LY6H: variants seen among roughly 807,000 people sequenced by gnomAD.
LY6H encodes lymphocyte antigen 6H.
Under a neutral mutation model 14.6 loss-of-function variants are expected in LY6H, and 8 were observed. That is an observed-to-expected ratio of 0.55 (90% CI 0.32 to 0.99). The LOEUF (loss-of-function observed/expected upper bound fraction) is 0.99, where lower values mean the gene tolerates loss of function less well. Among genes scored for constraint, LY6H ranks in the 50% least tolerant of loss-of-function variants. The pLI is 0.04. For missense variants in LY6H, 196 were observed against 219.6 expected, an observed-to-expected ratio of 0.89 and a Z score of 0.68; for synonymous variants, 115 against 97.2, an observed-to-expected ratio of 1.18 and a Z score of -1.08.
chr8:143,160,129 G>A, intron 1 of LY6H, 69 bp downstream of exon 1: 2 of 1,227,324 alleles, frequency 1.6e-6, no homozygotes, highest in South Asian at 3.9e-5. Context: ...TTGGCCTTCC[G>A]CGCGCGCCTC....
chr8:143,158,306 G>A lies in LY6H; in HGVS notation c.430C>T (p.Leu144=). The stretch of plus-strand genomic sequence containing the variant: ...AGGCTGAGCAGGAGCCCCCCGGCCA[G>A]GGCCCAGGGGCTGTGCCCTGCCCCT... ...AAGAGHSPWA[L]AGGLLLSLGP... is the part of the protein sequence containing the mutation. Residue 144 remains leucine, a synonymous_variant, in exon 4 of 4, where the codon CTG becomes TTG. Transcript: ENST00000342752. 1 of 1,613,472 alleles carries A rather than the reference G, an allele frequency of 6.2e-7. No individual in the cohort carries two copies. The highest frequency in any genetic ancestry group is 8.5e-7 in the Non-Finnish European group (1 of 1,179,820).
At chr8:143,160,050 G>A in intron 1 of LY6H, 148 bp downstream of exon 1, 1 of 963,176 alleles carries the variant, frequency 1.0e-6, no homozygotes, top group Non-Finnish European at 1.3e-6. Flanking sequence ...TGGGGGGAGG[G>A]GCGCGTGCCA....
At chr8:143,159,507 G>A (rs1419088606) in intron 2 of LY6H, 75 bp downstream of exon 2, 28 of 1,411,132 alleles carry the variant, frequency 2.0e-5, no homozygotes, top group Non-Finnish European at 2.5e-5. Context: ...GAGGGTGGCA[G>A]CCCCACACCC....
chr8:143,160,067 C>G (rs1362844274), intron 1 of LY6H, 131 bp downstream of exon 1: 1 of 899,478 alleles, frequency 1.1e-6, no homozygotes, highest in Non-Finnish European at 1.5e-6. Context: ...GCCAGGTCCC[C>G]ACCCCCACCC....
At chr8:143,159,409 C>T in intron 2 of LY6H, 173 bp downstream of exon 2, 1 of 713,138 alleles carries the variant, frequency 1.4e-6, no homozygotes, top group Non-Finnish European at 2.1e-6. Context: ...GAGCCCAGTG[C>T]CGGGGCAGAG....
chr8:143,159,856 C>G (rs1044639472), intron 1 of LY6H, 147 bp from the exon 2 acceptor site: 13 of 1,139,372 alleles, frequency 1.1e-5, no homozygotes, highest in Non-Finnish European at 1.5e-5. Flanking sequence ...GAGCGTCCGC[C>G]GTCACAGCAT....
rs1186853417 is a variant in LY6H at position 143,158,001 on chromosome 8, G to T, written c.*249C>A. ...TTCACTTCCCCTCCGGGACCTGGGG[G>T]TCCCCCCCCACCCTCATCCCCAGGC... On this transcript the variant is annotated 3_prime_UTR_variant, in exon 4 of 4. Coordinates refer to ENST00000342752, the MANE Select transcript of LY6H (RefSeq NM_001135655.2). The T allele has an allele frequency of 4.3e-6, 2 of 464,678 alleles. No individual in the cohort carries two copies. Among genetic ancestry groups the T allele is most frequent in the Non-Finnish European group, 7.5e-6 (2 of 266,348 alleles). The allele number at this position is 464,678 out of a possible 1,614,324, so 28.8% of individuals were successfully genotyped here. A position where few individuals can be genotyped will look rare whatever the true frequency, so the allele number is the denominator to read the frequency against.
chr8:143,160,074 ACCC>A (rs1815561868), intron 1 of LY6H, 121 bp downstream of exon 1: 1 of 906,588 alleles, frequency 1.1e-6, no homozygotes, highest in Non-Finnish European at 1.4e-6. Context: ...CCCCACCCCC[ACCC>A]CTGGGCTGGG....
intron 2 of LY6H, 130 bp from the exon 3 acceptor site, chr8:143,159,052 C>T (rs925620680): frequency 1.6e-6 from 2 of 1,262,472 alleles, no homozygotes; most frequent in Admixed American, 2.0e-5. Flanking sequence ...AGGGAGCAGG[C>T]CCCCATGACC....
Position 143,158,214 on chromosome 8 carries a change from G to A in LY6H, c.*36C>T, listed in dbSNP as rs373685189. 3.4e-4 allele frequency: 503 copies of A among 1,500,310 alleles called. No individual in the cohort carries two copies. The highest frequency in any genetic ancestry group is 4.1e-4 in the Non-Finnish European group (445 of 1,093,272). The allele number at this position is 1,500,310 out of a possible 1,614,324, so 92.9% of individuals were successfully genotyped here. A position where few individuals can be genotyped will look rare whatever the true frequency, so the allele number is the denominator to read the frequency against. On this transcript the variant is annotated 3_prime_UTR_variant, in exon 4 of 4. Coordinates refer to ENST00000342752, the MANE Select transcript of LY6H (RefSeq NM_001135655.2). ...GGAGAGGGCAGCCACAGGCTCAGGG[G>A]AGCAAGCTCAGAAGCCCCGTGGGAA...
At chr8:143,159,491 C>A (rs910179894) in intron 2 of LY6H, 91 bp downstream of exon 2, 6 of 1,367,524 alleles carry the variant, frequency 4.4e-6, no homozygotes, top group African/African-American at 1.5e-5. Context: ...GCGGTGGGAA[C>A]CGTCAGAGGG....
At chr8:143,159,126 CT>C (rs1157205218) in intron 2 of LY6H, 2 of 672,726 alleles carry the variant, frequency 3.0e-6, no homozygotes, top group South Asian at 1.8e-5. Flanking sequence ...AGGGGAGCCC[CT>C]ATGGCCCCTC....
chr8:143,159,731 C>T, intron 1 of LY6H, 22 bp from the exon 2 acceptor site: 5 of 1,353,638 alleles, frequency 3.7e-6, no homozygotes, highest in Non-Finnish European at 3.8e-6. Context: ...AAGCATCGGT[C>T]AGGAGACCCC....
intron 2 of LY6H, chr8:143,159,222 A>C: frequency 1.8e-6 from 1 of 555,388 alleles, no homozygotes. Context: ...TGCCCCCCTC[A>C]CACTCCCGCC....
chr8:143,159,345 C>T, intron 2 of LY6H: 1 of 544,194 alleles, frequency 1.8e-6, no homozygotes, highest in Non-Finnish European at 3.2e-6. Context: ...CAAGGGCTTC[C>T]GTGCGGGGCC....
chr8:143,159,589 C>A lies in LY6H; in HGVS notation c.123G>T (p.Ser41=). ...CGCGGGCCCCCTACTCACCGGGCGC[C>A]GAGCACAGCAGGACGGCCAGCAGCG... ...GLALLAVLLC[S]APAHGLWCQD... The change falls in exon 2 of 4, where the codon TCG becomes TCT. Residue 41 remains serine (S), a synonymous_variant. Transcript: ENST00000342752. 1 of 1,501,806 alleles carries A rather than the reference C, an allele frequency of 6.7e-7. No homozygotes were observed. Among genetic ancestry groups the A allele is most frequent in the South Asian group, 1.2e-5 (1 of 81,506 alleles). 93.0% of individuals were successfully genotyped at this position (1,501,806 alleles called of 1,614,324 possible).
At chr8:143,159,539 GCTCT>G (rs1188017710) in intron 2 of LY6H, 39 bp downstream of exon 2, 1 of 1,459,462 alleles carries the variant, frequency 6.9e-7, no homozygotes, top group Non-Finnish European at 9.0e-7. Context: ...GGCGCCTCGG[GCTCT>G]CCCAGGCACC....
rs773346254 is a variant in LY6H, at chr8:143,160,182, C to CG, written c.2+15dup. ...GGGCGTGGAGCGCGGGCCTCGGGGTCGGGGGGCTCACTCACATCCCGGGGG... is the reference window on the plus strand; with the variant it reads ...GGGCGTGGAGCGCGGGCCTCGGGGTCGGGGGGGCTCACTCACATCCCGGGGG... On this transcript the variant is annotated intron_variant, in intron 1 of 3. Coordinates refer to ENST00000342752, the MANE Select transcript of LY6H (RefSeq NM_001135655.2). 1.7e-5 allele frequency: 22 copies of CG among 1,283,926 alleles called. No individual in the cohort carries two copies. Among genetic ancestry groups the CG allele is most frequent in the Non-Finnish European group, 2.1e-5 (21 of 1,015,090 alleles). 79.5% of individuals were successfully genotyped at this position (1,283,926 alleles called of 1,614,324 possible).
intron 2 of LY6H, 39 bp downstream of exon 2, chr8:143,159,543 T>TC: frequency 6.8e-7 from 1 of 1,469,262 alleles, no homozygotes; most frequent in East Asian, 2.8e-5. Flanking sequence ...CCTCGGGCTC[T>TC]CCCAGGCACC....
Sources: allele counts gnomAD v4.1 joint callset, GRCh38; gene constraint gnomAD v4.1.1; transcripts MANE v1.5; gene names NCBI Gene and HGNC (gene_info 2026-07-23, HGNC 2026-07-21).